ATAD2: variants seen among roughly 807,000 people sequenced by gnomAD.
ATAD2 encodes the protein ATPase family AAA domain containing 2.
In ATAD2, 62 loss-of-function variants were observed where a neutral mutation model predicts 168.9. That is an observed-to-expected ratio of 0.37 (90% CI 0.30 to 0.45). The LOEUF is 0.45. Ranked by LOEUF, ATAD2 falls within the 20% of genes least tolerant of loss-of-function variation. The pLI is 1.00. For synonymous variants in ATAD2, 613 were observed against 571.6 expected (o/e 1.07, Z -1.03); for missense variants, 1,419 against 1,667.8 (o/e 0.85, Z 2.60).
intron 13 of ATAD2, among the ~76,000 whole-genome samples, chr8:123,355,667 T>G (rs1828618124): frequency 6.6e-6 from 1 of 152,184 alleles, no homozygotes; most frequent in African/African-American, 2.4e-5. Flanking sequence ...CTTGACAATT[T>G]GAACATAAAA....
At chr8:123,322,431 G>A (rs1355968914) in intron 27 of ATAD2, among the ~76,000 whole-genome samples, 1 of 152,232 alleles carries the variant, frequency 6.6e-6, no homozygotes, top group Non-Finnish European at 1.5e-5. Flanking sequence ...TACTTTGGGA[G>A]GCTGAAGTGG....
upstream of ATAD2, among the ~76,000 whole-genome samples, chr8:123,397,240 C>CAAAAAA (rs71310670): frequency 7.5e-5 from 3 of 39,996 alleles, no homozygotes; most frequent in African/African-American, 6.5e-5. Context: ...GACTCTGTCT[C>CAAAAAA]AAAAAAAAAA....
intron 1 of ATAD2, among the ~76,000 whole-genome samples, chr8:123,404,438 T>A (rs1305223632): frequency 6.6e-6 from 1 of 152,182 alleles, no homozygotes; most frequent in African/African-American, 2.4e-5. Context: ...CAGCTGCTGG[T>A]GTCTGCTGAC....
At chr8:123,396,067 T>C in intron 1 of ATAD2, 120 bp downstream of exon 1, 1 of 1,175,392 alleles carries the variant, frequency 8.5e-7, no homozygotes. Context: ...TCGACCACAC[T>C]TCTCCCCCGA....
At chr8:123,358,892 C>T (rs888675913) in intron 11 of ATAD2, among the ~76,000 whole-genome samples, 10 of 151,564 alleles carry the variant, frequency 6.6e-5, no homozygotes, top group African/African-American at 9.7e-5. Context: ...TTAGTAGAGA[C>T]GGGGTTTCAC....
intron 2 of ATAD2, among the ~76,000 whole-genome samples, chr8:123,373,272 C>T (rs1471086576): frequency 6.6e-6 from 1 of 151,750 alleles, no homozygotes; most frequent in Non-Finnish European, 1.5e-5. Flanking sequence ...AACTCCTGGC[C>T]TCAAGCAGTT....
intron 1 of ATAD2, among the ~76,000 whole-genome samples, chr8:123,407,666 A>G (rs1813085282): frequency 6.6e-6 from 1 of 152,044 alleles, no homozygotes; most frequent in African/African-American, 2.4e-5. Flanking sequence ...CAACCTGGCC[A>G]ACATGGCAAA....
At chr8:123,387,657 G>A (rs80248045) in intron 1 of ATAD2, among the ~76,000 whole-genome samples, 10,740 of 152,182 alleles carry the variant, frequency 0.071, 470 homozygotes, top group South Asian at 0.1. Flanking sequence ...TAAAAGTGAA[G>A]TTTTAAGAGA....
chr8:123,394,112 G>A (rs147899258), intron 1 of ATAD2, among the ~76,000 whole-genome samples: 2 of 151,146 alleles, frequency 1.3e-5, no homozygotes, highest in East Asian at 1.9e-4. Flanking sequence ...AAAAAAAAAC[G>A]GAGTGGCCAT....
chr8:123,391,035 A>C (rs1446474764), intron 1 of ATAD2, among the ~76,000 whole-genome samples: 1 of 151,952 alleles, frequency 6.6e-6, no homozygotes, highest in East Asian at 1.9e-4. Context: ...GAAAAAAAAA[A>C]CCCAAAAGTA....
At chr8:123,396,763 C>A (rs961999178), upstream of ATAD2, among the ~76,000 whole-genome samples, 1 of 152,112 alleles carries the variant, frequency 6.6e-6, no homozygotes, top group Non-Finnish European at 1.5e-5. Context: ...GGAAGGGAGG[C>A]CTCTGCGCGC....
intron 1 of ATAD2, among the ~76,000 whole-genome samples, chr8:123,385,801 A>T (rs1341680815): frequency 6.6e-6 from 1 of 152,110 alleles, no homozygotes; most frequent in East Asian, 1.9e-4. Context: ...ACACATATAT[A>T]CACGCATACA....
chr8:123,396,386 C>T lies in ATAD2; in HGVS notation c.-29G>A. The T allele has an allele frequency of 6.5e-7, 1 of 1,540,970 alleles. No homozygotes were observed. Among genetic ancestry groups the T allele is most frequent in the Admixed American group, 1.9e-5 (1 of 53,838 alleles). ...CTCTCCCTACTGGCCTCGGCGTGCG[C>T]GACCGGAGAGAGATCCAGCTCCAGG... is the stretch of plus-strand genomic sequence containing the variant. On this transcript the variant is annotated 5_prime_UTR_variant, in exon 1 of 28. Coordinates refer to ENST00000287394, the MANE Select transcript of ATAD2 (RefSeq NM_014109.4).
At chr8:123,370,440 C>A (rs1253021984) in intron 6 of ATAD2, among the ~76,000 whole-genome samples, 1 of 152,054 alleles carries the variant, frequency 6.6e-6, no homozygotes, top group African/African-American at 2.4e-5. Context: ...TGACATTTCA[C>A]CCAGCCCATC....
At chr8:123,414,834 G>A (rs1813218313) in intron 1 of ATAD2, among the ~76,000 whole-genome samples, 1 of 152,170 alleles carries the variant, frequency 6.6e-6, no homozygotes. Context: ...CCACAAGGAT[G>A]TTCTCACCAC....
At chr8:123,414,022 G>A (rs1813202180) in intron 1 of ATAD2, among the ~76,000 whole-genome samples, 1 of 150,214 alleles carries the variant, frequency 6.7e-6, no homozygotes, top group African/African-American at 2.5e-5. Context: ...GGTGGTGGGG[G>A]CGGAGGTTGC....
intron 26 of ATAD2, 91 bp from the exon 27 acceptor site, chr8:123,323,157 C>A: frequency 1.4e-6 from 2 of 1,379,880 alleles, no homozygotes; most frequent in Non-Finnish European, 1.9e-6. Flanking sequence ...TTATTACAAG[C>A]CTGACAGAGG....
At chr8:123,393,197 A>AG in intron 1 of ATAD2, among the ~76,000 whole-genome samples, 1 of 151,410 alleles carries the variant, frequency 6.6e-6, no homozygotes, top group East Asian at 1.9e-4. Flanking sequence ...AAAAAAAAAA[A>AG]AAAAGATTCA....
chr8:123,374,181 AAAAC>A (rs376609463), intron 2 of ATAD2, among the ~76,000 whole-genome samples: 62 of 152,236 alleles, frequency 4.1e-4, no homozygotes, highest in Non-Finnish European at 1.5e-5. Context: ...TCTCTAGTTA[AAAAC>A]AAACAAACAA....
Sources: gnomAD v4.1 joint callset for allele counts (sites outside exome capture counted in the v4.1 genomes callset) on GRCh38, gnomAD v4.1.1 for gene constraint, MANE v1.5 for transcripts, NCBI Gene and HGNC (gene_info 2026-07-23, HGNC 2026-07-21) for gene names.